Variants in RHBDF1 observed in about 807,000 individuals in gnomAD.
RHBDF1 encodes the protein rhomboid 5 homolog 1, also known as inactive rhomboid protein 1.
In RHBDF1, 80 loss-of-function variants were observed where a neutral mutation model predicts 98.6. The observed-to-expected ratio is 0.81, with a 90% confidence interval of 0.68 to 0.98. The LOEUF is 0.98. Among genes scored for constraint, RHBDF1 ranks in the 50% least tolerant of loss-of-function variants. RHBDF1 has a pLI of 0.00. For missense variants in RHBDF1, 1,116 were observed against 1,198.3 expected, an observed-to-expected ratio of 0.93 and a Z score of 1.01; for synonymous variants, 512 against 486.8, an observed-to-expected ratio of 1.05 and a Z score of -0.68.
chr16:67,934 A>T (rs1335143248), intron 1 of RHBDF1, among the ~76,000 whole-genome samples: 1 of 152,066 alleles, frequency 6.6e-6, no homozygotes, highest in East Asian at 1.9e-4. Flanking sequence ...GAGAGCTGTG[A>T]GCGTGTACGG....
At chr16:72,002 G>A (rs777582086) in intron 1 of RHBDF1, among the ~76,000 whole-genome samples, 2 of 152,226 alleles carry the variant, frequency 1.3e-5, no homozygotes, top group Admixed American at 6.5e-5. Context: ...CCAGCTCCAC[G>A]GCTCCTGCTA....
At position 61,100 on chromosome 16, in the gene RHBDF1, T is replaced by A; in HGVS notation, c.1557+20A>T. 13 of 1,517,164 alleles carry A rather than the reference T, an allele frequency of 8.6e-6. No individual in the cohort carries two copies. Among genetic ancestry groups the A allele is most frequent in the Non-Finnish European group, 1.1e-5 (13 of 1,131,314 alleles). 94.0% of individuals were successfully genotyped at this position (1,517,164 alleles called of 1,614,324 possible). A position where few individuals can be genotyped will look rare whatever the true frequency, so the allele number is the denominator to read the frequency against. The stretch of plus-strand genomic sequence containing the variant: ...AACACCGGGCAGACGAAGGCGGGAG[T>A]CCCGGGCGGGGAAACGCACCGAGCA... On this transcript the variant is annotated intron_variant, in intron 11 of 17. Coordinates refer to ENST00000262316, the MANE Select transcript of RHBDF1 (RefSeq NM_022450.5).
Position 63,606 on chromosome 16 carries a change from C to T in RHBDF1, c.443G>A (p.Cys148Tyr). ...ETPPPLYVGPCQLGMQKIIDP... is the reference protein window; with the variant it reads ...ETPPPLYVGPYQLGMQKIIDP... ...GCATACCTTCTGCATGCCCAGCTGG[C>T]ATGGCCCCACGTAGAGTGGGGGTGG... is the stretch of plus-strand genomic sequence containing the variant. The change falls in exon 4 of 18, where the codon TGC becomes TAC. Residue 148 changes from cysteine (C) to tyrosine (Y), a missense_variant. By Grantham distance (194) the Cys-to-Tyr change is radical. Coordinates refer to ENST00000262316, the MANE Select transcript of RHBDF1 (RefSeq NM_022450.5). 1 of 1,564,238 alleles carries T rather than the reference C, an allele frequency of 6.4e-7. No homozygotes were observed. The highest frequency in any genetic ancestry group is 1.9e-5 in the Admixed American group (1 of 53,668).
At position 59,085 on chromosome 16, in the gene RHBDF1, G is replaced by C. The variant is rs765693682; in HGVS notation, c.2037C>G (p.Val679=). The stretch of plus-strand genomic sequence containing the variant: ...CTGCCAGCTTCTCCAGGTCCCGCAG[G>C]ACAGTCATCTGGAAGCAGATGGACA... ...CLVSICFQMT[V]LRDLEKLAGW... The change falls in exon 17 of 18, where the codon GTC becomes GTG. Residue 679 remains valine, a synonymous_variant. Transcript: ENST00000262316. The C allele has an allele frequency of 4.3e-6, 7 of 1,613,510 alleles. No homozygotes were observed. In the East Asian group the frequency reaches 1.6e-4, roughly 36 times the overall value.
chr16:60,135 G>A (rs1897552691), intron 13 of RHBDF1, 81 bp downstream of exon 13: 3 of 1,605,518 alleles, frequency 1.9e-6, no homozygotes, highest in African/African-American at 2.7e-5. Flanking sequence ...GGGAATCTCT[G>A]GTATCACCAG....
chr16:69,416 G>C (rs1897914590), intron 1 of RHBDF1, among the ~76,000 whole-genome samples: 1 of 152,188 alleles, frequency 6.6e-6, no homozygotes, highest in East Asian at 1.9e-4. Context: ...GCCGAGGTCA[G>C]CTGGAGCAAG....
chr16:58,181 T>A lies in RHBDF1; in HGVS notation c.*159A>T. 1.9e-5 allele frequency: 12 copies of A among 631,170 alleles called. No homozygotes were observed. Among genetic ancestry groups the A allele is most frequent in the South Asian group, 6.8e-5 (3 of 44,330 alleles). The allele number at this position is 631,170 out of a possible 1,614,324, so 39.1% of individuals were successfully genotyped here. A position where few individuals can be genotyped will look rare whatever the true frequency, so the allele number is the denominator to read the frequency against. On this transcript the variant is annotated 3_prime_UTR_variant, in exon 18 of 18. Transcript: ENST00000262316. ...AATAAATGCCCGGCAGTACGAGGGG[T>A]TCAACAGAAGTGAACAAGGCACAAG...
At chr16:67,148 C>T (rs140725758) in intron 1 of RHBDF1, among the ~76,000 whole-genome samples, 1 of 152,186 alleles carries the variant, frequency 6.6e-6, no homozygotes, top group South Asian at 2.1e-4. Context: ...GTCTCAGACA[C>T]TAAGGGTGGA....
At chr16:62,249 T>A in intron 7 of RHBDF1, 197 bp from the exon 8 acceptor site, 2 of 781,834 alleles carry the variant, frequency 2.6e-6, no homozygotes, top group South Asian at 1.9e-5. Flanking sequence ...GGGGACACAC[T>A]GACTTCTGCA....
At chr16:73,221 C>T (rs533733354), upstream of RHBDF1, among the ~76,000 whole-genome samples, 2 of 152,284 alleles carry the variant, frequency 1.3e-5, no homozygotes, top group South Asian at 4.1e-4. Flanking sequence ...TGGGTACATA[C>T]ACGTGCACAC....
In RHBDF1 at chr16:62,913, T is replaced by TGA. The variant is rs778771263; in HGVS notation, c.673-18_673-17dup. On this transcript the variant is annotated splice_polypyrimidine_tract_variant and intron_variant, in intron 5 of 17. Transcript: ENST00000262316. ...CGGAGCGGCCCTGGGGACGGGGAAG[T>TGA]GAGCATGAGACCCGGCTGCTGGGTC... The TGA allele has an allele frequency of 9.9e-6, 16 of 1,613,414 alleles. No homozygotes were observed. In the South Asian group the frequency reaches 1.6e-4, roughly 17 times the overall value.
In RHBDF1 at chr16:72,554, G is replaced by A. The variant is rs1008786491; in HGVS notation, c.-66C>T. On this transcript the variant is annotated 5_prime_UTR_variant, in exon 1 of 18. Coordinates refer to ENST00000262316, the MANE Select transcript of RHBDF1 (RefSeq NM_022450.5). ...TCTGGGGGGTCCTGAGGGCGCCGGG[G>A]AGGAGGCTGCCGCCGCTGGCCGGGA... 3 of 830,926 alleles carry A rather than the reference G, an allele frequency of 3.6e-6. No individual in the cohort carries two copies. The highest frequency in any genetic ancestry group is 6.3e-5 in the African/African-American group (1 of 15,770). The allele number at this position is 830,926 out of a possible 1,614,324, so 51.5% of individuals were successfully genotyped here. A position where few individuals can be genotyped will look rare whatever the true frequency, so the allele number is the denominator to read the frequency against.
Position 62,877 on chromosome 16 carries a change from G to A in RHBDF1, c.693C>T (p.Gly231=). 1 of 1,613,896 alleles carries A rather than the reference G, an allele frequency of 6.2e-7. No homozygotes were observed. The highest frequency in any genetic ancestry group is 8.5e-7 in the Non-Finnish European group (1 of 1,179,972). ...ALMKGRSVRD[G]TFRRAQRRSF... is the part of the protein sequence containing the mutation. ...TTCGACGCTGTGCCCGGCGAAAGGT[G>A]CCATCCCTAACGGAGCGGCCCTGGG... is the stretch of plus-strand genomic sequence containing the variant. Residue 231 remains glycine (G), a synonymous_variant, in exon 6 of 18, where the codon GGC becomes GGT. Coordinates refer to ENST00000262316, the MANE Select transcript of RHBDF1 (RefSeq NM_022450.5).
chr16:62,158 G>A (rs757931844), intron 7 of RHBDF1, 106 bp from the exon 8 acceptor site: 3 of 1,379,988 alleles, frequency 2.2e-6, no homozygotes, highest in Non-Finnish European at 1.9e-6. Context: ...AATATACTGC[G>A]CAAGTCGCCC....
chr16:63,941 A>G (rs761325054), intron 3 of RHBDF1, 141 bp from the exon 4 acceptor site: 8 of 796,324 alleles, frequency 1.0e-5, no homozygotes, highest in South Asian at 8.8e-5. Context: ...GCAAGGTCTA[A>G]TAAGAGGATG....
intron 16 of RHBDF1, 40 bp downstream of exon 16, chr16:59,209 G>A: frequency 6.3e-7 from 1 of 1,593,696 alleles, no homozygotes; most frequent in Non-Finnish European, 8.6e-7. Context: ...CCAATCCTGA[G>A]GGCCCTGAGA....
chr16:69,914 C>A (rs928238466), intron 1 of RHBDF1, among the ~76,000 whole-genome samples: 8 of 151,848 alleles, frequency 5.3e-5, no homozygotes, highest in African/African-American at 1.9e-4. Flanking sequence ...TGCTACAGGC[C>A]ATCTGTGAGG....
chr16:68,940 A>G (rs761647035), intron 1 of RHBDF1, among the ~76,000 whole-genome samples: 1 of 152,166 alleles, frequency 6.6e-6, no homozygotes, highest in Non-Finnish European at 1.5e-5. Flanking sequence ...CTTGGGCCCC[A>G]TGTGTCTCCA....
intron 3 of RHBDF1, chr16:64,241 A>G (rs1389035768): frequency 3.0e-6 from 4 of 1,332,112 alleles, no homozygotes; most frequent in East Asian, 1.0e-4. Flanking sequence ...TAGGAGCCCC[A>G]GGGAATGCCA....
Sources: gnomAD v4.1 joint callset for allele counts (sites outside exome capture counted in the v4.1 genomes callset) on GRCh38, gnomAD v4.1.1 for gene constraint, MANE v1.5 for transcripts, NCBI Gene and HGNC (gene_info 2026-07-23, HGNC 2026-07-21) for gene names.